The following PHF21A variants were observed in gnomAD, a reference collection of about 807,000 sequenced individuals.
PHF21A encodes the protein BHC80a.
PHF21A carries 11 observed loss-of-function variants against 82.5 expected under a neutral mutation model. The observed-to-expected ratio is 0.13, with a 90% confidence interval of 0.08 to 0.22. The LOEUF (loss-of-function observed/expected upper bound fraction) is 0.22, where lower values mean the gene tolerates loss of function less well. Among genes scored for constraint, PHF21A ranks in the 10% least tolerant of loss-of-function variants. The pLI is 1.00. For missense variants in PHF21A, 579 were observed against 837.8 expected (o/e 0.69, Z 3.81); for synonymous variants, 297 against 302.8 (o/e 0.98, Z 0.20).
At chr11:46,062,668 A>T (rs980910269) in intron 6 of PHF21A, among the ~76,000 whole-genome samples, 2 of 152,192 alleles carry the variant, frequency 1.3e-5, no homozygotes, top group African/African-American at 4.8e-5. Context: ...TTCATATTTA[A>T]GATTGAAGCG....
chr11:46,011,857 C>T (rs139077166), intron 6 of PHF21A, among the ~76,000 whole-genome samples: 87 of 152,242 alleles, frequency 5.7e-4, no homozygotes, highest in African/African-American at 2.0e-3. Flanking sequence ...CTATGCAACA[C>T]AACAAAACAA....
intron 6 of PHF21A, among the ~76,000 whole-genome samples, chr11:46,002,336 T>C (rs1225702375): frequency 6.6e-6 from 1 of 152,224 alleles, no homozygotes; most frequent in African/African-American, 2.4e-5. Context: ...CTAGAATGCA[T>C]AGTCCTCAAA....
At chr11:45,998,839 T>G (rs34014401) in intron 6 of PHF21A, among the ~76,000 whole-genome samples, 20,847 of 150,764 alleles carry the variant, frequency 0.14, 1,955 homozygotes, top group Non-Finnish European at 0.21. Context: ...TTTTGTTTTT[T>G]TTTGAGACAG....
chr11:45,994,092 A>G (rs1343968760), intron 6 of PHF21A, among the ~76,000 whole-genome samples: 3 of 152,196 alleles, frequency 2.0e-5, no homozygotes, highest in African/African-American at 7.2e-5. Context: ...CCTCGTCTAC[A>G]TAGTATGATG....
chr11:46,067,921 T>C (rs1289524414), intron 6 of PHF21A, among the ~76,000 whole-genome samples: 1 of 152,076 alleles, frequency 6.6e-6, no homozygotes, highest in African/African-American at 2.4e-5. Context: ...CTAACTCTGC[T>C]TGGAAGGTAG....
At chr11:45,944,617 T>G (rs2090994189) in intron 15 of PHF21A, among the ~76,000 whole-genome samples, 1 of 152,170 alleles carries the variant, frequency 6.6e-6, no homozygotes, top group Non-Finnish European at 1.5e-5. Context: ...TGCTTTTCTT[T>G]CAGGATGCCA....
chr11:46,094,610 G>C (rs2096968296), intron 1 of PHF21A, among the ~76,000 whole-genome samples: 1 of 152,180 alleles, frequency 6.6e-6, no homozygotes, highest in Non-Finnish European at 1.5e-5. Flanking sequence ...ATGAAATCCT[G>C]GCCGTGCACA....
intron 11 of PHF21A, among the ~76,000 whole-genome samples, chr11:45,951,040 T>C (rs1029319254): frequency 1.3e-5 from 2 of 152,288 alleles, no homozygotes; most frequent in South Asian, 4.1e-4. Context: ...CTGGTCAAAA[T>C]ACTGGGCCCT....
intron 1 of PHF21A, among the ~76,000 whole-genome samples, chr11:46,119,453 C>T (rs1260959673): frequency 1.8e-4 from 28 of 152,282 alleles, no homozygotes; most frequent in Non-Finnish European, 1.3e-4. Flanking sequence ...TACTTCCAGA[C>T]CTAAACAAAG....
chr11:46,001,768 C>CA (rs1480437368), intron 6 of PHF21A, among the ~76,000 whole-genome samples: 1 of 152,152 alleles, frequency 6.6e-6, no homozygotes, highest in Non-Finnish European at 1.5e-5. Context: ...ACAGGGCTGT[C>CA]ACTCGTACTA....
chr11:46,049,142 C>T (rs1464038212), intron 6 of PHF21A, among the ~76,000 whole-genome samples: 4 of 152,216 alleles, frequency 2.6e-5, no homozygotes, highest in Non-Finnish European at 4.4e-5. Context: ...TTTCTCCCCA[C>T]TTGCCTAGGC....
chr11:46,030,759 T>A (rs906920684), intron 6 of PHF21A, among the ~76,000 whole-genome samples: 2 of 152,078 alleles, frequency 1.3e-5, no homozygotes, highest in Non-Finnish European at 2.9e-5. Context: ...AGTTTTTTTT[T>A]AATTTGTAAC....
intron 6 of PHF21A, among the ~76,000 whole-genome samples, chr11:45,990,618 T>G (rs546848495): frequency 6.6e-6 from 1 of 152,276 alleles, no homozygotes; most frequent in Non-Finnish European, 1.5e-5. Context: ...ATGCTTTTAC[T>G]GTATTGTTCT....
chr11:46,088,115 C>T (rs1196280259), intron 3 of PHF21A, among the ~76,000 whole-genome samples: 1 of 152,128 alleles, frequency 6.6e-6, no homozygotes, highest in Non-Finnish European at 1.5e-5. Flanking sequence ...CACTGGGAGG[C>T]AGTTTATAGC....
At chr11:46,106,042 G>T (rs2097149020) in intron 1 of PHF21A, among the ~76,000 whole-genome samples, 1 of 152,164 alleles carries the variant, frequency 6.6e-6, no homozygotes, top group Non-Finnish European at 1.5e-5. Flanking sequence ...TGGACCTAAA[G>T]GTACTGAGAA....
At chr11:45,952,299 T>A (rs989997213) in intron 11 of PHF21A, among the ~76,000 whole-genome samples, 2 of 152,172 alleles carry the variant, frequency 1.3e-5, no homozygotes, top group Non-Finnish European at 2.9e-5. Context: ...TGGAGTGCAG[T>A]GGCACCATCT....
At chr11:45,952,356 C>T (rs1461839029) in intron 11 of PHF21A, among the ~76,000 whole-genome samples, 1 of 152,232 alleles carries the variant, frequency 6.6e-6, no homozygotes, top group East Asian at 1.9e-4. Context: ...ATCCTCCCAC[C>T]TCAGCCTCCT....
intron 6 of PHF21A, among the ~76,000 whole-genome samples, chr11:46,054,888 A>C (rs2096428758): frequency 6.6e-6 from 1 of 152,200 alleles, no homozygotes; most frequent in Middle Eastern, 3.2e-3. Context: ...AGTAACGACT[A>C]GGACCAGCAG....
intron 6 of PHF21A, among the ~76,000 whole-genome samples, chr11:46,008,896 C>A (rs2137281572): frequency 6.6e-6 from 1 of 152,094 alleles, no homozygotes; most frequent in East Asian, 1.9e-4. Context: ...TGTTCACCCT[C>A]CATCTTAATC....
Sources: gnomAD v4.1 joint callset for allele counts (sites outside exome capture counted in the v4.1 genomes callset) on GRCh38, gnomAD v4.1.1 for gene constraint, MANE v1.5 for transcripts, NCBI Gene and HGNC (gene_info 2026-07-23, HGNC 2026-07-21) for gene names.